NCOA2: variants seen among roughly 807,000 people sequenced by gnomAD.
NCOA2 encodes nuclear receptor coactivator 2, also known as class E basic helix-loop-helix protein 75.
A neutral mutation model predicts 145.1 loss-of-function variants in NCOA2; 21 were observed. The ratio of observed to expected loss-of-function variants is 0.14; its 90% CI spans 0.10 to 0.21. NCOA2 has a LOEUF of 0.21. Ranked by LOEUF, NCOA2 falls within the 10% of genes least tolerant of loss-of-function variation. The pLI is 1.00. For missense variants in NCOA2, 1,472 were observed against 1,837.6 expected (o/e 0.80, Z 3.64); for synonymous variants, 619 against 637.5 (o/e 0.97, Z 0.44).
At chr8:70,247,162 C>T (rs1201168378) in intron 2 of NCOA2, among the ~76,000 whole-genome samples, 1 of 152,024 alleles carries the variant, frequency 6.6e-6, no homozygotes, top group East Asian at 1.9e-4. Context: ...GGAACCATGG[C>T]CACTCTGGAA....
chr8:70,199,451 C>CAA (rs1181856736), intron 4 of NCOA2, among the ~76,000 whole-genome samples: 83 of 76,058 alleles, frequency 1.1e-3, no homozygotes, highest in African/African-American at 2.3e-3. Flanking sequence ...GACTCCATCT[C>CAA]AAAAAAAAAA....
intron 2 of NCOA2, among the ~76,000 whole-genome samples, chr8:70,227,651 T>C (rs571106089): frequency 2.0e-5 from 3 of 152,278 alleles, no homozygotes; most frequent in East Asian, 3.9e-4. Context: ...ACATTAATAA[T>C]GAAAATGGCA....
intron 22 of NCOA2, among the ~76,000 whole-genome samples, chr8:70,118,860 G>T (rs1314984225): frequency 6.6e-6 from 1 of 151,798 alleles, no homozygotes; most frequent in African/African-American, 2.4e-5. Context: ...GGCTAATTTT[G>T]TATTTTTAGT....
chr8:70,310,109 C>T (rs1351147576), intron 1 of NCOA2, among the ~76,000 whole-genome samples: 1 of 151,860 alleles, frequency 6.6e-6, no homozygotes, highest in Non-Finnish European at 1.5e-5. Context: ...GGAGGGAGGA[C>T]TGCTTGAGGC....
intron 1 of NCOA2, among the ~76,000 whole-genome samples, chr8:70,393,405 C>T (rs1188275843): frequency 6.6e-6 from 1 of 152,138 alleles, no homozygotes; most frequent in East Asian, 1.9e-4. Flanking sequence ...AATTGTAGTG[C>T]AAGTGAGCAT....
chr8:70,356,859 C>A (rs982295640), intron 1 of NCOA2, among the ~76,000 whole-genome samples: 13 of 152,186 alleles, frequency 8.5e-5, no homozygotes, highest in Non-Finnish European at 1.9e-4. Flanking sequence ...ACTAAAAAGA[C>A]TACTTGTTTT....
chr8:70,149,304 T>C (rs1305805855), intron 11 of NCOA2, among the ~76,000 whole-genome samples: 1 of 151,142 alleles, frequency 6.6e-6, no homozygotes, highest in Non-Finnish European at 1.5e-5. Context: ...GCGCAAACAC[T>C]CATCCCTGTA....
chr8:70,139,154 G>C (rs1474924023), intron 14 of NCOA2, among the ~76,000 whole-genome samples: 1 of 152,232 alleles, frequency 6.6e-6, no homozygotes, highest in East Asian at 1.9e-4. Context: ...AAAGCCAATG[G>C]ATGAGATGAG....
intron 2 of NCOA2, among the ~76,000 whole-genome samples, chr8:70,252,114 T>C (rs1389627350): frequency 6.6e-6 from 1 of 152,232 alleles, no homozygotes; most frequent in African/African-American, 2.4e-5. Context: ...TTTAAAAATA[T>C]TTTTGATCCA....
At chr8:70,298,362 T>C (rs1030340110) in intron 1 of NCOA2, among the ~76,000 whole-genome samples, 7 of 152,194 alleles carry the variant, frequency 4.6e-5, no homozygotes, top group African/African-American at 7.2e-5. Flanking sequence ...ACTCATCATA[T>C]ATAATGAAAT....
chr8:70,203,395 G>A (rs1818121798), intron 4 of NCOA2, among the ~76,000 whole-genome samples: 1 of 151,846 alleles, frequency 6.6e-6, no homozygotes, highest in East Asian at 1.9e-4. Flanking sequence ...TCTTCTACCA[G>A]TACAACAGAT....
chr8:70,340,922 C>G (rs1020711698), intron 1 of NCOA2, among the ~76,000 whole-genome samples: 2 of 151,828 alleles, frequency 1.3e-5, no homozygotes, highest in African/African-American at 4.8e-5. Context: ...CACACTGGGG[C>G]CTGTTGGGGG....
intron 18 of NCOA2, 143 bp downstream of exon 18, chr8:70,128,290 C>A (rs573003926): frequency 1.5e-6 from 1 of 663,950 alleles, no homozygotes; most frequent in East Asian, 2.7e-5. Flanking sequence ...ATATAACACA[C>A]TAGTAGGTAA....
intron 4 of NCOA2, among the ~76,000 whole-genome samples, chr8:70,176,050 C>T (rs1814796695): frequency 6.6e-6 from 1 of 152,170 alleles, no homozygotes; most frequent in Non-Finnish European, 1.5e-5. Flanking sequence ...AACTCAGTCA[C>T]TAAGAAGTAT....
intron 1 of NCOA2, among the ~76,000 whole-genome samples, chr8:70,362,963 A>C (rs1025738033): frequency 3.6e-4 from 55 of 151,554 alleles, no homozygotes; most frequent in African/African-American, 1.2e-3. Context: ...TTATAGTCCC[A>C]GCTACTTGAG....
the NCOA2 span, among the ~76,000 whole-genome samples, chr8:70,412,682 A>C: frequency 6.6e-6 from 1 of 150,754 alleles, no homozygotes; most frequent in Non-Finnish European, 1.5e-5. Context: ...CTAGAATCTA[A>C]TAAATTAAGC....
At chr8:70,354,783 TAAC>T (rs1449793222) in intron 1 of NCOA2, among the ~76,000 whole-genome samples, 3 of 152,192 alleles carry the variant, frequency 2.0e-5, no homozygotes, top group Non-Finnish European at 4.4e-5. Flanking sequence ...GTTTGCATAA[TAAC>T]AATCTTGAAA....
chr8:70,136,749 T>A (rs965259663), intron 15 of NCOA2, among the ~76,000 whole-genome samples: 1 of 152,208 alleles, frequency 6.6e-6, no homozygotes, highest in Non-Finnish European at 1.5e-5. Context: ...AGGGGATTTT[T>A]AAAAAGCACT....
intron 4 of NCOA2, among the ~76,000 whole-genome samples, chr8:70,186,718 T>G (rs1816116299): frequency 6.6e-6 from 1 of 152,252 alleles, no homozygotes; most frequent in African/African-American, 2.4e-5. Flanking sequence ...TATGTCTTAT[T>G]GTGTAACATG....
Sources: allele counts gnomAD v4.1 joint callset (sites outside exome capture counted in the v4.1 genomes callset), GRCh38; gene constraint gnomAD v4.1.1; transcripts MANE v1.5; gene names NCBI Gene and HGNC (gene_info 2026-07-23, HGNC 2026-07-21).